SNX13: variants seen among roughly 807,000 people sequenced by gnomAD.
SNX13 encodes sorting nexin-13.
SNX13 carries 45 observed loss-of-function variants against 133.6 expected under a neutral mutation model. The ratio of observed to expected loss-of-function variants is 0.34; its 90% CI spans 0.27 to 0.43. SNX13 has a LOEUF of 0.43. Among genes scored for constraint, SNX13 ranks in the 20% least tolerant of loss-of-function variants. The pLI is 1.00. For missense variants in SNX13, 1,032 were observed against 1,145.1 expected (o/e 0.90, Z 1.43); for synonymous variants, 414 against 373.9 (o/e 1.11, Z -1.24).
chr7:17,801,011 TATATATATA>T (rs1562651896), intron 22 of SNX13, among the ~76,000 whole-genome samples: 1,480 of 13,166 alleles, frequency 0.11, 69 homozygotes, highest in African/African-American at 0.16. Flanking sequence ...AAACTGAACA[TATATATATA>T]TATATATATA....
chr7:17,832,430 T>C (rs1788603406), intron 15 of SNX13: 1 of 984,610 alleles, frequency 1.0e-6, no homozygotes, highest in Non-Finnish European at 1.2e-6. Flanking sequence ...GCCCACACAA[T>C]TATTTGGTTA....
intron 1 of SNX13, among the ~76,000 whole-genome samples, chr7:17,910,771 T>C (rs924328227): frequency 5.3e-5 from 8 of 152,214 alleles, no homozygotes; most frequent in Non-Finnish European, 1.2e-4. Context: ...AAAAAACTTA[T>C]GTTAAATGAA....
chr7:17,897,921 T>G (rs1270686661), intron 1 of SNX13: 16 of 112,092 alleles, frequency 1.4e-4, no homozygotes, highest in Middle Eastern at 4.7e-3. Flanking sequence ...GAAATTTAAA[T>G]TTCAAGGTAA....
chr7:17,927,231 GTATA>G (rs915143471), intron 1 of SNX13, among the ~76,000 whole-genome samples: 1 of 148,692 alleles, frequency 6.7e-6, no homozygotes, highest in Non-Finnish European at 1.5e-5. Context: ...GTGCATGTGT[GTATA>G]TATATATATG....
At chr7:17,798,211 G>A (rs146263159) in intron 24 of SNX13, among the ~76,000 whole-genome samples, 3 of 151,928 alleles carry the variant, frequency 2.0e-5, no homozygotes, top group African/African-American at 4.8e-5. Context: ...AGTATTTTTT[G>A]TAGAAAGAAA....
chr7:17,847,657 A>T (rs757959929), intron 11 of SNX13, among the ~76,000 whole-genome samples: 1 of 152,174 alleles, frequency 6.6e-6, no homozygotes, highest in Non-Finnish European at 1.5e-5. Context: ...AAAGCCCCAA[A>T]TCTCTGCTCT....
intron 1 of SNX13, among the ~76,000 whole-genome samples, chr7:17,937,438 T>C (rs1344353612): frequency 2.1e-5 from 3 of 142,052 alleles, no homozygotes; most frequent in Non-Finnish European, 4.5e-5. Context: ...AGTTTGAACC[T>C]GGAAGGCGGA....
chr7:17,850,751 A>G, intron 10 of SNX13, 75 bp downstream of exon 10: 1 of 1,168,818 alleles, frequency 8.6e-7, no homozygotes, highest in South Asian at 1.8e-5. Flanking sequence ...AATGACATTT[A>G]GGTAAATTAA....
intron 16 of SNX13, among the ~76,000 whole-genome samples, chr7:17,828,256 C>T (rs151295193): frequency 6.6e-6 from 1 of 151,648 alleles, no homozygotes; most frequent in Non-Finnish European, 1.5e-5. Context: ...TACAAAACTA[C>T]ATTTGATTTA....
Position 17,819,419 on chromosome 7 carries a change from G to A in SNX13, c.1845+2090C>T, listed in dbSNP as rs368301446. ...TTTTTTGTATTTTTGTAGAGATGAG[G>A]ATTCGCCATGTTGCCCAGGCTGGTC... On this transcript the variant is annotated intron_variant, in intron 18 of 25. Transcript: ENST00000428135. Among the ~76,000 whole-genome samples the A allele has an allele frequency of 7.2e-5, 11 of 152,108 alleles. No individual in the cohort carries two copies. In the South Asian group the frequency reaches 1.7e-3, roughly 23 times the overall value.
intron 20 of SNX13, among the ~76,000 whole-genome samples, chr7:17,804,300 T>G (rs930691221): frequency 2.6e-5 from 4 of 152,162 alleles, no homozygotes; most frequent in African/African-American, 4.8e-5. Flanking sequence ...AGTTAGGTAT[T>G]TTGAGTAGAT....
chr7:17,837,287 A>G (rs1157541215), intron 13 of SNX13, among the ~76,000 whole-genome samples: 1 of 151,638 alleles, frequency 6.6e-6, no homozygotes, highest in South Asian at 2.1e-4. Flanking sequence ...TGTGCCACCA[A>G]CTCCAGCTAA....
intron 19 of SNX13, among the ~76,000 whole-genome samples, 192 bp from the exon 20 acceptor site, chr7:17,815,136 T>C (rs886124764): frequency 3.3e-5 from 5 of 152,200 alleles, no homozygotes; most frequent in South Asian, 2.1e-4. Flanking sequence ...CAGTTTGGTA[T>C]ATATATTCTT....
intron 20 of SNX13, among the ~76,000 whole-genome samples, chr7:17,809,356 A>C (rs1785725814): frequency 6.6e-6 from 1 of 152,008 alleles, no homozygotes; most frequent in Admixed American, 6.6e-5. Context: ...TAAACCAACA[A>C]AGACTTTAAA....
intron 8 of SNX13, among the ~76,000 whole-genome samples, chr7:17,868,994 T>C (rs771012125): frequency 1.1e-4 from 16 of 152,062 alleles, no homozygotes; most frequent in Non-Finnish European, 2.4e-4. Flanking sequence ...GTTTGAATAG[T>C]TTCCTAATAA....
intron 17 of SNX13, among the ~76,000 whole-genome samples, chr7:17,823,939 G>A (rs569793882): frequency 9.2e-5 from 14 of 152,176 alleles, no homozygotes; most frequent in African/African-American, 3.4e-4. Flanking sequence ...ATCAGGATTT[G>A]TCAAAAACCA....
At chr7:17,820,461 A>G (rs1342032338) in intron 18 of SNX13, among the ~76,000 whole-genome samples, 7 of 152,148 alleles carry the variant, frequency 4.6e-5, no homozygotes, top group African/African-American at 1.7e-4. Context: ...AAGAAAGGTT[A>G]TATTTGACAC....
At chr7:17,813,587 C>CT (rs1013139810) in intron 20 of SNX13, among the ~76,000 whole-genome samples, 3,407 of 138,402 alleles carry the variant, frequency 0.025, 36 homozygotes, top group African/African-American at 0.041. Context: ...ATATGAACTC[C>CT]TTTTTTTTTT....
At chr7:17,830,996 CCTAGG>C (rs1788423834) in intron 15 of SNX13, 1 of 984,222 alleles carries the variant, frequency 1.0e-6, no homozygotes, top group Non-Finnish European at 1.2e-6. Context: ...GGGAATTTCA[CCTAGG>C]ATTATCCCTT....
Sources: gnomAD v4.1 joint callset for allele counts (sites outside exome capture counted in the v4.1 genomes callset) on GRCh38, gnomAD v4.1.1 for gene constraint, MANE v1.5 for transcripts, NCBI Gene and HGNC (gene_info 2026-07-23, HGNC 2026-07-21) for gene names.